The following PRKD1 variants were observed in gnomAD, a reference collection of about 807,000 sequenced individuals.
The protein encoded by PRKD1 is serine/threonine-protein kinase D1.
In PRKD1, 63 loss-of-function variants were observed where a neutral mutation model predicts 95.9. The observed-to-expected ratio is 0.66, with a 90% CI of 0.54 to 0.81. PRKD1 has a LOEUF of 0.81. PRKD1 is among the 30% of genes least tolerant of loss of function. The pLI, the probability that PRKD1 is intolerant of heterozygous loss-of-function variation, is 0.00. For synonymous variants in PRKD1, 425 were observed against 423.1 expected, an observed-to-expected ratio of 1.00 and a Z score of -0.05; for missense variants, 1,048 against 1,165.3, an observed-to-expected ratio of 0.90 and a Z score of 1.47.
intron 1 of PRKD1, among the ~76,000 whole-genome samples, chr14:29,790,863 A>G (rs532658063): frequency 1.3e-5 from 2 of 152,332 alleles, no homozygotes; most frequent in Non-Finnish European, 2.9e-5. Flanking sequence ...TATGTAATTC[A>G]TTACATGATT....
intron 1 of PRKD1, among the ~76,000 whole-genome samples, chr14:29,750,390 C>A (rs1402430108): frequency 6.6e-6 from 1 of 152,068 alleles, no homozygotes; most frequent in African/African-American, 2.4e-5. Flanking sequence ...AAAAACATCA[C>A]CAAACTTCTA....
chr14:29,750,616 G>GCGCGCGCA (rs72239992), intron 1 of PRKD1, among the ~76,000 whole-genome samples: 268 of 148,478 alleles, frequency 1.8e-3, no homozygotes, highest in African/African-American at 6.1e-3. Context: ...ATGAACGCGC[G>GCGCGCGCA]CACACACACA....
chr14:29,790,322 G>A (rs892059082), intron 1 of PRKD1, among the ~76,000 whole-genome samples: 1 of 151,966 alleles, frequency 6.6e-6, no homozygotes, highest in South Asian at 2.1e-4. Flanking sequence ...CACGCCCACA[G>A]TCTAATTATT....
chr14:29,830,515 C>G lies in PRKD1; in HGVS notation c.264+96734G>C, dbSNP rs367570634. Among the ~76,000 whole-genome samples, 457 of 151,958 alleles carry G rather than the reference C, an allele frequency of 3.0e-3. 1 individual carries two copies. The highest frequency in any genetic ancestry group is 0.01 in the Middle Eastern group (3 of 294). ...TCCTCAAATGCATATATTTATCTCT[C>G]TGTGTGTGTGTGTATTTAACCATAA... is the stretch of plus-strand genomic sequence containing the variant. On this transcript the variant is annotated intron_variant, in intron 1 of 17. Transcript: ENST00000331968.
chr14:29,642,472 G>T (rs767027845), intron 4 of PRKD1, among the ~76,000 whole-genome samples: 1 of 152,094 alleles, frequency 6.6e-6, no homozygotes, highest in Non-Finnish European at 1.5e-5. Flanking sequence ...AAAACTCACT[G>T]ATCTTTGCAT....
At chr14:29,878,875 C>T (rs1444167262) in intron 1 of PRKD1, among the ~76,000 whole-genome samples, 1 of 152,022 alleles carries the variant, frequency 6.6e-6, no homozygotes, top group Non-Finnish European at 1.5e-5. Flanking sequence ...AAATTGTACA[C>T]TTAAAATGAT....
chr14:29,723,776 T>G (rs754447931), intron 2 of PRKD1, among the ~76,000 whole-genome samples: 27 of 152,038 alleles, frequency 1.8e-4, no homozygotes, highest in Admixed American at 6.6e-5. Flanking sequence ...AGAATTAAAC[T>G]GTTAGAGAAT....
chr14:29,619,560 G>A (rs1415738271), intron 13 of PRKD1, among the ~76,000 whole-genome samples: 3 of 152,278 alleles, frequency 2.0e-5, no homozygotes, highest in East Asian at 3.9e-4. Context: ...AGAGTGGTGA[G>A]AGGAACTTGC....
chr14:29,671,786 G>T (rs1882856979), intron 2 of PRKD1, among the ~76,000 whole-genome samples: 1 of 152,082 alleles, frequency 6.6e-6, no homozygotes, highest in African/African-American at 2.4e-5. Flanking sequence ...TTTGCTTAAT[G>T]AAATTATTCT....
chr14:29,655,432 G>C (rs973529297), intron 4 of PRKD1, among the ~76,000 whole-genome samples: 1 of 152,088 alleles, frequency 6.6e-6, no homozygotes, highest in Non-Finnish European at 1.5e-5. Context: ...AGCTTCCTTT[G>C]TTAGAGTTAC....
At chr14:29,786,607 G>A (rs1226051044) in intron 1 of PRKD1, among the ~76,000 whole-genome samples, 1 of 152,034 alleles carries the variant, frequency 6.6e-6, no homozygotes, top group Non-Finnish European at 1.5e-5. Flanking sequence ...TTTCCTACAG[G>A]TTTTCCAATT....
chr14:29,610,791 T>C lies in PRKD1; in HGVS notation c.1906-10974A>G, dbSNP rs572510336. Among the ~76,000 whole-genome samples, 5 of 152,324 alleles carry C rather than the reference T, an allele frequency of 3.3e-5. No homozygotes were observed. The East Asian group carries it at 9.6e-4, about 29-fold the overall frequency. Reference sequence around the variant, plus strand: ...TTTCAGTAGGTGAATGAACAAACTGTGGTACATCCAGGGAATATTATTTAG... The same window carrying C: ...TTTCAGTAGGTGAATGAACAAACTGCGGTACATCCAGGGAATATTATTTAG... On this transcript the variant is annotated intron_variant, in intron 13 of 17. Coordinates refer to ENST00000331968, the MANE Select transcript of PRKD1 (RefSeq NM_002742.3).
At chr14:29,714,224 A>C (rs941676975) in intron 2 of PRKD1, among the ~76,000 whole-genome samples, 1 of 152,192 alleles carries the variant, frequency 6.6e-6, no homozygotes, top group Admixed American at 6.6e-5. Flanking sequence ...TGCTGTAAGG[A>C]AATCACTGGG....
intron 1 of PRKD1, among the ~76,000 whole-genome samples, chr14:29,916,629 T>C (rs1894898281): frequency 6.6e-6 from 1 of 151,740 alleles, no homozygotes. Context: ...TAACTGCGAC[T>C]CTTGGTCACC....
At chr14:29,875,279 A>G (rs917302597) in intron 1 of PRKD1, among the ~76,000 whole-genome samples, 1 of 152,116 alleles carries the variant, frequency 6.6e-6, no homozygotes, top group Non-Finnish European at 1.5e-5. Flanking sequence ...AGATGGTAGA[A>G]AGTCTTACTG....
At position 29,844,098 on chromosome 14, in the gene PRKD1, A is replaced by G. The variant is rs189126632; in HGVS notation, c.264+83151T>C. ...GGGCCTGGGATAACTGTGTGAACCA[A>G]GTATTTGGCAGTAAACAAACCTGGC... On this transcript the variant is annotated intron_variant, in intron 1 of 17. Transcript: ENST00000331968. Among the ~76,000 whole-genome samples, 43 of 152,340 alleles carry G rather than the reference A, an allele frequency of 2.8e-4. No individual in the cohort carries two copies. The East Asian group carries it at 8.1e-3, about 29-fold the overall frequency.
At chr14:29,845,738 T>C (rs1892054293) in intron 1 of PRKD1, among the ~76,000 whole-genome samples, 1 of 152,192 alleles carries the variant, frequency 6.6e-6, no homozygotes, top group African/African-American at 2.4e-5. Context: ...ACGTTAATGT[T>C]CATAGAATAC....
At chr14:29,668,421 C>G (rs1882645453) in intron 2 of PRKD1, among the ~76,000 whole-genome samples, 3 of 152,118 alleles carry the variant, frequency 2.0e-5, no homozygotes, top group Admixed American at 2.0e-4. Flanking sequence ...GACAGGGCAA[C>G]AAACTAAACA....
intron 1 of PRKD1, among the ~76,000 whole-genome samples, chr14:29,806,438 C>T (rs908798024): frequency 4.0e-5 from 6 of 151,104 alleles, no homozygotes; most frequent in African/African-American, 1.5e-4. Context: ...TCTGCCTGGC[C>T]TTCAGGTTGC....
Sources: gnomAD v4.1 joint callset for allele counts (sites outside exome capture counted in the v4.1 genomes callset) on GRCh38, gnomAD v4.1.1 for gene constraint, MANE v1.5 for transcripts, NCBI Gene and HGNC (gene_info 2026-07-23, HGNC 2026-07-21) for gene names.